MYCBP2: variants seen among roughly 807,000 people sequenced by gnomAD.
The protein encoded by MYCBP2 is E3 ubiquitin-protein ligase MYCBP2.
Under a neutral mutation model 525.3 loss-of-function variants are expected in MYCBP2, and 120 were observed. That is an observed-to-expected ratio of 0.23 (90% CI 0.20 to 0.27). MYCBP2 has a LOEUF of 0.27. Ranked by LOEUF, MYCBP2 falls within the 10% of genes least tolerant of loss-of-function variation. The pLI, the probability that MYCBP2 is intolerant of heterozygous loss-of-function variation, is 1.00. For missense variants in MYCBP2, 4,149 were observed against 5,657.1 expected (o/e 0.73, Z 8.55); for synonymous variants, 1,894 against 1,955.8 (o/e 0.97, Z 0.83).
intron 69 of MYCBP2, among the ~76,000 whole-genome samples, chr13:77,069,792 C>G (rs2040850380): frequency 6.6e-6 from 1 of 151,222 alleles, no homozygotes; most frequent in African/African-American, 2.4e-5. Context: ...GGTGTGAACC[C>G]AGGAGGCGGA....
At chr13:77,125,167 C>T (rs185489075) in intron 54 of MYCBP2, among the ~76,000 whole-genome samples, 169 bp downstream of exon 54, 34 of 152,274 alleles carry the variant, frequency 2.2e-4, no homozygotes, top group Admixed American at 1.6e-3. Context: ...TAAGTACTCA[C>T]GTATTTTACA....
intron 66 of MYCBP2, chr13:77,078,026 C>T (rs946032281): frequency 6.6e-6 from 1 of 151,552 alleles, no homozygotes; most frequent in Non-Finnish European, 1.5e-5. Context: ...CATTTAATAA[C>T]CAAGAAATGA....
intron 23 of MYCBP2, among the ~76,000 whole-genome samples, chr13:77,209,119 A>G (rs2063684381): frequency 6.6e-6 from 1 of 152,206 alleles, no homozygotes; most frequent in South Asian, 2.1e-4. Flanking sequence ...TTACCAAAAC[A>G]TCTCTTAATC....
intron 70 of MYCBP2, 116 bp from the exon 71 acceptor site, chr13:77,067,980 T>C (rs2040479695): frequency 1.0e-6 from 1 of 997,174 alleles, no homozygotes; most frequent in Non-Finnish European, 1.4e-6. Context: ...CAGGTTGGAG[T>C]GCAGTGGAGC....
At chr13:77,188,306 A>G (rs1401275563) in intron 30 of MYCBP2, among the ~76,000 whole-genome samples, 4 of 152,230 alleles carry the variant, frequency 2.6e-5, no homozygotes, top group Non-Finnish European at 5.9e-5. Flanking sequence ...CTATATTAAT[A>G]AATCACATTC....
At chr13:77,130,640 C>T (rs1000462603) in intron 52 of MYCBP2, among the ~76,000 whole-genome samples, 5 of 151,954 alleles carry the variant, frequency 3.3e-5, no homozygotes, top group African/African-American at 1.2e-4. Flanking sequence ...TATTGCAGAG[C>T]ATTTTGAAGT....
chr13:77,294,127 T>TATATATATATATATATATATATAC lies in MYCBP2; in HGVS notation c.378+2471_378+2472insGTATATATATATATATATATATAT, dbSNP rs1350132831. Among the ~76,000 whole-genome samples the TATATATATATATATATATATATAC allele has an allele frequency of 3.3e-4, 20 of 60,848 alleles. 1 individual carries two copies. Among genetic ancestry groups the TATATATATATATATATATATATAC allele is most frequent in the Admixed American group, 1.4e-3 (5 of 3,596 alleles). 39.9% of individuals were successfully genotyped at this position (60,848 alleles called of 152,430 possible). On this transcript the variant is annotated intron_variant, in intron 2 of 82. Transcript: ENST00000544440. ...GGCTATATATATATATATATATATA[T>TATATATATATATATATATATATAC]ATACATATATATATACATATATATA...
intron 15 of MYCBP2, among the ~76,000 whole-genome samples, chr13:77,250,484 A>G (rs143804920): frequency 1.4e-4 from 22 of 152,288 alleles, no homozygotes; most frequent in Non-Finnish European, 2.4e-4. Flanking sequence ...TGATCACACA[A>G]AGAATATCCC....
intron 80 of MYCBP2, among the ~76,000 whole-genome samples, chr13:77,052,678 T>A (rs1349306775): frequency 1.3e-5 from 2 of 152,192 alleles, no homozygotes; most frequent in Non-Finnish European, 2.9e-5. Flanking sequence ...AAAATACATA[T>A]CCCCTTCTAC....
chr13:77,209,008 T>G (rs1008447930), intron 23 of MYCBP2, among the ~76,000 whole-genome samples: 1 of 152,154 alleles, frequency 6.6e-6, no homozygotes, highest in Non-Finnish European at 1.5e-5. Flanking sequence ...AATTATAAAA[T>G]TTAAGTGCCC....
At chr13:77,170,620 A>T (rs1217837465) in intron 38 of MYCBP2, among the ~76,000 whole-genome samples, 1 of 149,216 alleles carries the variant, frequency 6.7e-6, no homozygotes, top group Admixed American at 6.8e-5. Context: ...TCTGACATCC[A>T]GGCTGGAGTG....
At chr13:77,150,386 C>T (rs1488336817) in intron 47 of MYCBP2, among the ~76,000 whole-genome samples, 1 of 152,130 alleles carries the variant, frequency 6.6e-6, no homozygotes, top group Non-Finnish European at 1.5e-5. Flanking sequence ...AAGTGATGTT[C>T]CCTCCTTGGC....
intron 70 of MYCBP2, 100 bp from the exon 71 acceptor site, chr13:77,067,964 G>A (rs1245201765): frequency 8.9e-6 from 11 of 1,236,208 alleles, no homozygotes; most frequent in Non-Finnish European, 1.2e-5. Flanking sequence ...GTCTTGCTTT[G>A]TTGCCCAGGT....
Position 77,150,922 on chromosome 13 carries a change from G to C in MYCBP2, c.6943C>G (p.Gln2315Glu). ...KVEVKAVPVSQKKMSLQQDQA... is the reference protein window; with the variant it reads ...KVEVKAVPVSEKKMSLQQDQA... ...TCTTGTTGTAAAGACATTTTTTTCT[G>C]AGAAACAGGGACAGCTTTCACTTCC... The change falls in exon 47 of 83, where the codon CAG (glutamine) becomes GAG (glutamate). Residue 2315 changes from glutamine to glutamate, a missense_variant. This residue lies in a region of MYCBP2 where 692 missense variants were observed against 852.7 expected (regional missense o/e 0.81). Coordinates refer to ENST00000544440, the MANE Select transcript of MYCBP2 (RefSeq NM_015057.5). The C allele has an allele frequency of 6.2e-7, 1 of 1,613,890 alleles. No homozygotes were observed. Among genetic ancestry groups the C allele is most frequent in the Non-Finnish European group, 8.5e-7 (1 of 1,179,922 alleles).
chr13:77,058,556 T>G lies in MYCBP2; in HGVS notation c.13141-150A>C, dbSNP rs539071931. Reference sequence around the variant, plus strand: ...CAACAAAGTAAAGTTATTTCTAATCTTTGTTTGAATATAAATTAGGCTTCT... The same window carrying G: ...CAACAAAGTAAAGTTATTTCTAATCGTTGTTTGAATATAAATTAGGCTTCT... On this transcript the variant is annotated intron_variant, in intron 77 of 82. Coordinates refer to ENST00000544440, the MANE Select transcript of MYCBP2 (RefSeq NM_015057.5). This position sits in a 1 kb window ranked among gnomAD's most constrained non-coding sequence, Gnocchi z 4.1. The G allele has an allele frequency of 8.0e-6, 5 of 621,326 alleles. No homozygotes were observed. In the South Asian group the frequency reaches 1.9e-4, roughly 23 times the overall value. The allele number at this position is 621,326 out of a possible 1,614,324, so 38.5% of individuals were successfully genotyped here.
intron 54 of MYCBP2, among the ~76,000 whole-genome samples, chr13:77,123,473 T>C (rs1050659737): frequency 1.3e-5 from 2 of 152,246 alleles, no homozygotes; most frequent in African/African-American, 4.8e-5. Flanking sequence ...ATCCTTAGCA[T>C]GGAAGGCATT....
chr13:77,221,350 G>A (rs1296104944), intron 20 of MYCBP2, among the ~76,000 whole-genome samples: 10 of 152,124 alleles, frequency 6.6e-5, no homozygotes, highest in Non-Finnish European at 2.9e-5. Context: ...TCAGGACCAC[G>A]AAGTAATGTT....
chr13:77,153,738 T>A (rs1270105708), intron 46 of MYCBP2, among the ~76,000 whole-genome samples: 1 of 89,478 alleles, frequency 1.1e-5, no homozygotes, highest in South Asian at 4.7e-4. Context: ...TAAATAAGAT[T>A]TCCTTAAAAT....
At chr13:77,093,074 A>G in intron 59 of MYCBP2, 91 bp downstream of exon 59, 1 of 1,277,250 alleles carries the variant, frequency 7.8e-7, no homozygotes, top group South Asian at 1.6e-5. Flanking sequence ...TCACAGATGT[A>G]TTAAAGAACT....
Sources: gnomAD v4.1 joint callset for allele counts (sites outside exome capture counted in the v4.1 genomes callset) on GRCh38, gnomAD v4.1.1 for gene constraint, gnomAD v4.1.1 regional missense constraint, Gnocchi (gnomAD v3.1) non-coding constraint, MANE v1.5 for transcripts, NCBI Gene and HGNC (gene_info 2026-07-23, HGNC 2026-07-21) for gene names.